The following VWA8 variants were observed in gnomAD, a reference collection of about 807,000 sequenced individuals.
VWA8 encodes von Willebrand factor A domain containing 8, also known as von Willebrand factor A domain-containing protein 8.
A neutral mutation model predicts 241.5 loss-of-function variants in VWA8; 221 were observed. The observed-to-expected ratio is 0.91, with a 90% CI of 0.82 to 1.02. VWA8 has a LOEUF of 1.02. Among genes scored for constraint, VWA8 ranks in the 50% least tolerant of loss-of-function variants. The probability of loss-of-function intolerance (pLI) is 0.00; values close to 1 mark genes in which losing one functional copy is unlikely to be tolerated. For synonymous variants in VWA8, 852 were observed against 827.1 expected (o/e 1.03, Z -0.52); for missense variants, 2,322 against 2,328.7 (o/e 1.00, Z 0.06).
At position 41,914,164 on chromosome 13, in the gene VWA8, G is replaced by A. The variant is rs186673369; in HGVS notation, c.242-1996C>T. On this transcript the variant is annotated intron_variant, in intron 2 of 44. Coordinates refer to ENST00000379310, the MANE Select transcript of VWA8 (RefSeq NM_015058.2). ...GCTAAGATCACGCCACTGCACTCCA[G>A]CCTGGGCGACAAAGTGAGACTCCAT... 2.6e-3 allele frequency among the ~76,000 whole-genome samples: 400 copies of A among 152,298 alleles called. 1 individual carries two copies. The highest frequency in any genetic ancestry group is 9.2e-3 in the African/African-American group (381 of 41,574).
At chr13:41,881,548 C>A (rs1469462329) in intron 9 of VWA8, among the ~76,000 whole-genome samples, 1 of 149,100 alleles carries the variant, frequency 6.7e-6, no homozygotes, top group Non-Finnish European at 1.5e-5. Flanking sequence ...CCGCCATTGT[C>A]ATCATGGCCC....
At chr13:41,627,407 G>C (rs996292667) in intron 37 of VWA8, among the ~76,000 whole-genome samples, 1 of 152,054 alleles carries the variant, frequency 6.6e-6, no homozygotes, top group Non-Finnish European at 1.5e-5. Flanking sequence ...ACCCTCCACC[G>C]TTAACATATT....
intron 12 of VWA8, among the ~76,000 whole-genome samples, chr13:41,864,912 C>A (rs1270895287): frequency 6.9e-6 from 1 of 144,744 alleles, no homozygotes; most frequent in Non-Finnish European, 1.5e-5. Context: ...TGCTTGAACC[C>A]GGGGTGGGCA....
intron 2 of VWA8, among the ~76,000 whole-genome samples, chr13:41,913,804 C>T (rs1876122039): frequency 6.6e-6 from 1 of 152,202 alleles, no homozygotes; most frequent in African/African-American, 2.4e-5. Flanking sequence ...TCAAGTAGAA[C>T]TGTTTGGTTT....
At chr13:41,640,731 C>T (rs1049119660) in intron 37 of VWA8, among the ~76,000 whole-genome samples, 4 of 152,174 alleles carry the variant, frequency 2.6e-5, no homozygotes, top group African/African-American at 9.6e-5. Context: ...CAAAACAGAA[C>T]ATACAATACA....
intron 2 of VWA8, among the ~76,000 whole-genome samples, chr13:41,933,723 G>C (rs1157463307): frequency 6.6e-6 from 1 of 151,994 alleles, no homozygotes; most frequent in Non-Finnish European, 1.5e-5. Context: ...GGATAGTCTT[G>C]TCAGGAAATG....
At chr13:41,916,603 C>T (rs1340161601) in intron 2 of VWA8, among the ~76,000 whole-genome samples, 3 of 152,236 alleles carry the variant, frequency 2.0e-5, no homozygotes, top group African/African-American at 4.8e-5. Context: ...TTTAGTATAG[C>T]GTATTTTACC....
rs149931139 is a variant in VWA8 at position 41,579,622 on chromosome 13, G to A, written c.5272-3784C>T. Among the ~76,000 whole-genome samples the A allele has an allele frequency of 1.7e-3, 264 of 152,228 alleles. 1 individual carries two copies. Among genetic ancestry groups the A allele is most frequent in the Non-Finnish European group, 2.8e-3 (193 of 68,014 alleles). On this transcript the variant is annotated intron_variant, in intron 42 of 44. Coordinates refer to ENST00000379310, the MANE Select transcript of VWA8 (RefSeq NM_015058.2). The stretch of plus-strand genomic sequence containing the variant: ...GTAATATCTGTCTTACCACCTCCCA[G>A]GGTCATTGAAAGGATAGGACAATAC...
chr13:41,707,020 T>C (rs951272251), intron 26 of VWA8, among the ~76,000 whole-genome samples: 1 of 152,200 alleles, frequency 6.6e-6, no homozygotes, highest in Non-Finnish European at 1.5e-5. Flanking sequence ...TCTTAATCCC[T>C]TGTGGAAATG....
At chr13:41,838,840 G>A (rs1871860884) in intron 12 of VWA8, among the ~76,000 whole-genome samples, 1 of 152,094 alleles carries the variant, frequency 6.6e-6, no homozygotes, top group Admixed American at 6.5e-5. Context: ...CCTTTCTTAT[G>A]GCTGCAGAGT....
chr13:41,926,690 G>A, intron 2 of VWA8: 1 of 539,038 alleles, frequency 1.9e-6, no homozygotes, highest in Non-Finnish European at 3.8e-6. Flanking sequence ...CAGTTACAAG[G>A]TCAGCTACCA....
At chr13:41,799,542 G>T (rs1869853188) in intron 17 of VWA8, among the ~76,000 whole-genome samples, 1 of 152,010 alleles carries the variant, frequency 6.6e-6, no homozygotes, top group Admixed American at 6.6e-5. Context: ...ATGGGAACAG[G>T]GAGCACTTCC....
intron 9 of VWA8, among the ~76,000 whole-genome samples, chr13:41,870,959 G>A (rs1229416753): frequency 6.6e-6 from 1 of 152,140 alleles, no homozygotes; most frequent in Non-Finnish European, 1.5e-5. Context: ...TTAGAGGATT[G>A]TTACTCAGAA....
intron 1 of VWA8, 116 bp from the exon 2 acceptor site, chr13:41,950,129 A>G: frequency 1.8e-6 from 1 of 565,880 alleles, no homozygotes; most frequent in South Asian, 3.0e-5. Context: ...TGTACTACGC[A>G]GCTGTCTATA....
In VWA8 at chr13:41,892,675, A is replaced by G. The variant is rs1207435316; in HGVS notation, c.484-1088T>C. ...TAGTACCTCATATGGGGTCCCTCAGACCCCATGAGCACCTCAGGTCCCTTG... is the reference window on the plus strand; with the variant it reads ...TAGTACCTCATATGGGGTCCCTCAGGCCCCATGAGCACCTCAGGTCCCTTG... On this transcript the variant is annotated intron_variant, in intron 4 of 44. Transcript: ENST00000379310. Among the ~76,000 whole-genome samples, 3 of 152,082 alleles carry G rather than the reference A, an allele frequency of 2.0e-5. No individual in the cohort carries two copies. The South Asian group carries it at 6.2e-4, about 32-fold the overall frequency.
chr13:41,752,568 C>A (rs1669164036), intron 21 of VWA8, among the ~76,000 whole-genome samples: 1 of 152,118 alleles, frequency 6.6e-6, no homozygotes, highest in African/African-American at 2.4e-5. Flanking sequence ...AAACCAGGTT[C>A]TTGCCCTCAA....
intron 42 of VWA8, among the ~76,000 whole-genome samples, chr13:41,583,784 A>C (rs1300364731): frequency 3.9e-5 from 6 of 152,136 alleles, no homozygotes; most frequent in Non-Finnish European, 8.8e-5. Context: ...AGACTAAAAG[A>C]GGCAAAGTAA....
At chr13:41,612,537 A>C (rs947817738) in intron 38 of VWA8, among the ~76,000 whole-genome samples, 5 of 152,238 alleles carry the variant, frequency 3.3e-5, no homozygotes, top group Admixed American at 2.0e-4. Flanking sequence ...TGGCTAACTT[A>C]GGATTTACCT....
At chr13:41,631,848 G>C (rs2044728961) in intron 37 of VWA8, among the ~76,000 whole-genome samples, 1 of 152,130 alleles carries the variant, frequency 6.6e-6, no homozygotes, top group Non-Finnish European at 1.5e-5. Context: ...GCACAGCACT[G>C]GTTTACTGCA....
Sources: gnomAD v4.1 joint callset for allele counts (sites outside exome capture counted in the v4.1 genomes callset) on GRCh38, gnomAD v4.1.1 for gene constraint, MANE v1.5 for transcripts, NCBI Gene and HGNC (gene_info 2026-07-23, HGNC 2026-07-21) for gene names.